RHOQ: variants seen among roughly 807,000 people sequenced by gnomAD.
RHOQ encodes the protein rho-related GTP-binding protein RhoQ.
A neutral mutation model predicts 25.8 loss-of-function variants in RHOQ; 7 were observed. The ratio of observed to expected loss-of-function variants is 0.27; its 90% CI spans 0.15 to 0.51. The LOEUF (loss-of-function observed/expected upper bound fraction) is 0.51. RHOQ is among the 20% of genes least tolerant of loss of function. The pLI is 0.97. For missense variants in RHOQ, 165 were observed against 260.6 expected, an observed-to-expected ratio of 0.63 and a Z score of 2.53; for synonymous variants, 97 against 98.6, an observed-to-expected ratio of 0.98 and a Z score of 0.10.
chr2:46,550,531 T>C (rs1184314472), intron 2 of RHOQ, among the ~76,000 whole-genome samples: 1 of 152,222 alleles, frequency 6.6e-6, no homozygotes, highest in Non-Finnish European at 1.5e-5. Context: ...GCATGTTTCC[T>C]GAGACCTCTT....
intron 2 of RHOQ, among the ~76,000 whole-genome samples, chr2:46,570,692 T>C (rs935973582): frequency 6.6e-6 from 1 of 152,186 alleles, no homozygotes; most frequent in Non-Finnish European, 1.5e-5. Context: ...ACTGTGTGCC[T>C]TGGAAGTGAC....
intron 2 of RHOQ, among the ~76,000 whole-genome samples, chr2:46,571,101 C>T (rs1668900072): frequency 1.3e-5 from 2 of 152,200 alleles, no homozygotes; most frequent in African/African-American, 4.8e-5. Context: ...AAGTTCTCTC[C>T]ATTCTGTAAG....
rs553815571 is a variant in RHOQ, at chr2:46,566,462, C to A, written c.202-9625C>A. ...GATATATCCAGAATATATCTAGAAT[C>A]CACCATTTCTCTAGCTGTCAACTGC... On this transcript the variant is annotated intron_variant, in intron 2 of 4. Transcript: ENST00000238738. The surrounding 1 kb of genome is among the most constrained non-coding windows in gnomAD (Gnocchi z 4.2). Among the ~76,000 whole-genome samples, 1 of 152,202 alleles carries A rather than the reference C, an allele frequency of 6.6e-6. No homozygotes were observed. Among genetic ancestry groups the A allele is most frequent in the East Asian group, 1.9e-4 (1 of 5,188 alleles).
chr2:46,558,153 C>T (rs1159993454), intron 2 of RHOQ, among the ~76,000 whole-genome samples: 1 of 152,196 alleles, frequency 6.6e-6, no homozygotes, highest in Admixed American at 6.5e-5. Flanking sequence ...CCTCCTGCAC[C>T]TTCTAACCTG....
At chr2:46,572,490 C>T (rs1441130138) in intron 2 of RHOQ, among the ~76,000 whole-genome samples, 1 of 152,132 alleles carries the variant, frequency 6.6e-6, no homozygotes, top group African/African-American at 2.4e-5. Flanking sequence ...GCTGCCAGAA[C>T]ACACTTAAAA....
At chr2:46,560,218 G>A (rs184249109) in intron 2 of RHOQ, among the ~76,000 whole-genome samples, 9 of 152,284 alleles carry the variant, frequency 5.9e-5, no homozygotes, top group South Asian at 2.1e-4. Flanking sequence ...ATTTGGCTCC[G>A]TGGGCCTGTT....
chr2:46,557,208 T>C (rs1277092861), intron 2 of RHOQ, among the ~76,000 whole-genome samples: 1 of 152,234 alleles, frequency 6.6e-6, no homozygotes, highest in Non-Finnish European at 1.5e-5. Flanking sequence ...AGTGATCTGA[T>C]TTTATGAATT....
intron 2 of RHOQ, among the ~76,000 whole-genome samples, chr2:46,554,736 C>T (rs1433137846): frequency 6.6e-6 from 1 of 151,816 alleles, no homozygotes; most frequent in Admixed American, 6.6e-5. Flanking sequence ...TGCAAGTGTT[C>T]TCCCCTCCCT....
intron 2 of RHOQ, among the ~76,000 whole-genome samples, chr2:46,545,998 G>A (rs755788199): frequency 3.9e-5 from 6 of 152,106 alleles, no homozygotes; most frequent in Non-Finnish European, 7.4e-5. Context: ...ACCATTGGTG[G>A]GGCCTAGATG....
intron 2 of RHOQ, among the ~76,000 whole-genome samples, chr2:46,544,974 ATTAGAGT>A (rs1450437136): frequency 6.6e-6 from 1 of 152,238 alleles, no homozygotes; most frequent in Non-Finnish European, 1.5e-5. Context: ...CAGAACTGTG[ATTAGAGT>A]TTAGGTTGGA....
At chr2:46,570,922 T>A (rs1222135007) in intron 2 of RHOQ, among the ~76,000 whole-genome samples, 1 of 152,246 alleles carries the variant, frequency 6.6e-6, no homozygotes, top group Non-Finnish European at 1.5e-5. Context: ...ATTTCTTACA[T>A]CAAAGTACTA....
chr2:46,579,937 T>C (rs1669288417), intron 4 of RHOQ: 2 of 152,090 alleles, frequency 1.3e-5, no homozygotes, highest in Admixed American at 6.6e-5. Context: ...TCAGAACATA[T>C]CCAGAATCCA....
chr2:46,554,459 G>A (rs1668350610), intron 2 of RHOQ, among the ~76,000 whole-genome samples: 1 of 152,156 alleles, frequency 6.6e-6, no homozygotes, highest in East Asian at 1.9e-4. Context: ...TAAGGGGCTC[G>A]ATAGACAGGA....
chr2:46,545,631 T>C (rs1668020490), intron 2 of RHOQ, among the ~76,000 whole-genome samples: 1 of 152,174 alleles, frequency 6.6e-6, no homozygotes, highest in Admixed American at 6.5e-5. Flanking sequence ...ACACAGCTAC[T>C]GAGGGGTGTT....
At chr2:46,547,117 G>C (rs956494247) in intron 2 of RHOQ, among the ~76,000 whole-genome samples, 9 of 152,324 alleles carry the variant, frequency 5.9e-5, no homozygotes, top group Admixed American at 4.6e-4. Flanking sequence ...GCTTCAGTTG[G>C]TTCTACTTTC....
chr2:46,575,399 T>TCACACA (rs56002979), intron 2 of RHOQ, among the ~76,000 whole-genome samples: 3,255 of 138,280 alleles, frequency 0.024, 50 homozygotes, highest in Middle Eastern at 0.039. Context: ...CTTTAAATCT[T>TCACACA]CACACACACA....
At chr2:46,573,565 C>T (rs1465325806) in intron 2 of RHOQ, among the ~76,000 whole-genome samples, 1 of 152,168 alleles carries the variant, frequency 6.6e-6, no homozygotes, top group Non-Finnish European at 1.5e-5. Flanking sequence ...CAATTGTCCT[C>T]CTTTGTGCTC....
rs1488638270 is a variant in RHOQ at position 46,583,764 on chromosome 2, T to TGCTAGGGAATATCAAACTA, written c.*2682_*2683insCTAGGGAATATCAAACTAG. On this transcript the variant is annotated 3_prime_UTR_variant, in exon 5 of 5. Transcript: ENST00000238738. ...GACTATTTCAAACTAGTGAAATATC[T>TGCTAGGGAATATCAAACTA]GGGAAATAAACTGCTTCAAAAATAT... 3.9e-5 allele frequency among the ~76,000 whole-genome samples: 6 copies of TGCTAGGGAATATCAAACTA among 152,296 alleles called. No individual in the cohort carries two copies. In the East Asian group the frequency reaches 9.6e-4, roughly 24 times the overall value.
chr2:46,562,638 C>T (rs1668610373), intron 2 of RHOQ, among the ~76,000 whole-genome samples: 1 of 152,218 alleles, frequency 6.6e-6, no homozygotes, highest in African/African-American at 2.4e-5. Context: ...AACCTGCCTG[C>T]TGTGTGCAAA....
Sources: gnomAD v4.1 joint callset for allele counts (sites outside exome capture counted in the v4.1 genomes callset) on GRCh38, gnomAD v4.1.1 for gene constraint, Gnocchi (gnomAD v3.1) non-coding constraint, MANE v1.5 for transcripts, NCBI Gene and HGNC (gene_info 2026-07-23, HGNC 2026-07-21) for gene names.